SV2B: variants seen among roughly 807,000 people sequenced by gnomAD.
SV2B encodes synaptic vesicle glycoprotein 2B, also known as solute carrier family 22 member B2.
Under a neutral mutation model 73.9 loss-of-function variants are expected in SV2B, and 41 were observed. That is an observed-to-expected ratio of 0.56 (90% CI 0.43 to 0.72). The LOEUF (loss-of-function observed/expected upper bound fraction) is 0.72. Among genes scored for constraint, SV2B ranks in the 30% least tolerant of loss-of-function variants. The pLI, the probability that SV2B is intolerant of heterozygous loss-of-function variation, is 0.00. For synonymous variants in SV2B, 314 were observed against 314.2 expected, an observed-to-expected ratio of 1.00 and a Z score of 0.01; for missense variants, 764 against 857.8, an observed-to-expected ratio of 0.89 and a Z score of 1.37.
At position 91,149,605 on chromosome 15, in the gene SV2B, C is replaced by T. The variant is rs568077877; in HGVS notation, c.-392+49242C>T. Among the ~76,000 whole-genome samples the T allele has an allele frequency of 2.6e-5, 4 of 152,314 alleles. No homozygotes were observed. The East Asian group carries it at 7.7e-4, about 29-fold the overall frequency. ...TCACTGGGAGCCACGCTCTTAGTCTCTCCATCTTGGACATGGTTTGGCACT... is the reference window on the plus strand; with the variant it reads ...TCACTGGGAGCCACGCTCTTAGTCTTTCCATCTTGGACATGGTTTGGCACT... On this transcript the variant is annotated intron_variant, in intron 1 of 12. Transcript: ENST00000394232.
At chr15:91,178,760 GT>G (rs1273074710) in intron 1 of SV2B, among the ~76,000 whole-genome samples, 1 of 147,540 alleles carries the variant, frequency 6.8e-6, no homozygotes, top group African/African-American at 2.5e-5. Flanking sequence ...ATTTTTTATT[GT>G]GTCTATTTGA....
chr15:91,256,829 T>A (rs2047711630), intron 4 of SV2B, among the ~76,000 whole-genome samples: 1 of 152,208 alleles, frequency 6.6e-6, no homozygotes, highest in Admixed American at 6.5e-5. Flanking sequence ...AGAAAATGTC[T>A]GCAGGAACAG....
intron 1 of SV2B, among the ~76,000 whole-genome samples, chr15:91,199,725 A>G (rs771965421): frequency 9.2e-5 from 14 of 152,192 alleles, no homozygotes; most frequent in Non-Finnish European, 1.6e-4. Context: ...GAAGCCAGGA[A>G]ATGGAACAGA....
At chr15:91,169,204 T>G (rs139301138) in intron 1 of SV2B, among the ~76,000 whole-genome samples, 1 of 152,314 alleles carries the variant, frequency 6.6e-6, no homozygotes, top group African/African-American at 2.4e-5. Context: ...CCAGGGACCA[T>G]GCCGAGGGTT....
At chr15:91,176,733 G>C (rs1004284708) in intron 1 of SV2B, among the ~76,000 whole-genome samples, 1 of 151,428 alleles carries the variant, frequency 6.6e-6, no homozygotes, top group African/African-American at 2.4e-5. Context: ...CTTTTTGATG[G>C]GGTTGTTTGT....
rs1567282025 is a variant in SV2B, at chr15:91,137,592, T to TATATATATATTTCATATATATATTTCTC, written c.-392+37239_-392+37240insTTCATATATATATTTCTCATATATATAT. Among the ~76,000 whole-genome samples the TATATATATATTTCATATATATATTTCTC allele has an allele frequency of 1.6e-4, 11 of 66,826 alleles. No homozygotes were observed. The highest frequency in any genetic ancestry group is 4.2e-4 in the African/African-American group (9 of 21,210). The allele number at this position is 66,826 out of a possible 152,430, so 43.8% of individuals were successfully genotyped here. On this transcript the variant is annotated intron_variant, in intron 1 of 12. Transcript: ENST00000394232. The surrounding 1 kb of genome is among the most constrained non-coding windows in gnomAD (Gnocchi z 4.9). The stretch of plus-strand genomic sequence containing the variant: ...GAAATATATATATATATATTTCTCA[T>TATATATATATTTCATATATATATTTCTC]ATATATATATATTTCATATATATAT...
chr15:91,226,740 T>G (rs375181345), intron 2 of SV2B, 26 bp downstream of exon 2: 11 of 1,590,704 alleles, frequency 6.9e-6, no homozygotes, highest in Non-Finnish European at 9.3e-6. Flanking sequence ...CAATGATCCC[T>G]CCAATGAAAG....
intron 2 of SV2B, among the ~76,000 whole-genome samples, chr15:91,246,528 A>G (rs1278401508): frequency 2.0e-5 from 3 of 152,240 alleles, no homozygotes; most frequent in Non-Finnish European, 4.4e-5. Context: ...GCCCACAGGC[A>G]TGCTGTGGTA....
intron 1 of SV2B, among the ~76,000 whole-genome samples, chr15:91,187,400 T>C (rs2044814891): frequency 6.6e-6 from 1 of 152,220 alleles, no homozygotes; most frequent in South Asian, 2.1e-4. Context: ...CAAGAGAACA[T>C]TCCAACCAGC....
intron 1 of SV2B, among the ~76,000 whole-genome samples, chr15:91,191,384 C>A (rs953667078): frequency 2.6e-5 from 4 of 152,030 alleles, no homozygotes; most frequent in African/African-American, 7.2e-5. Context: ...TAGAGAGAAC[C>A]CTTCCACCCT....
chr15:91,244,012 A>G (rs1038891621), intron 2 of SV2B, among the ~76,000 whole-genome samples: 3 of 152,174 alleles, frequency 2.0e-5, no homozygotes, highest in Non-Finnish European at 4.4e-5. Context: ...CTTGAAGAGT[A>G]TTAGTGTATC....
rs187872836 is a variant in SV2B, at chr15:91,123,885, C to T, written c.-392+23522C>T. Among the ~76,000 whole-genome samples, 1 of 152,190 alleles carries T rather than the reference C, an allele frequency of 6.6e-6. No homozygotes were observed. Among genetic ancestry groups the T allele is most frequent in the African/African-American group, 2.4e-5 (1 of 41,452 alleles). ...GAGATGACCCTGGGCTCTAAGCACA[C>T]TTGGTCTGTGTCCCAGGCATATCTA... On this transcript the variant is annotated intron_variant, in intron 1 of 12. Transcript: ENST00000394232. The surrounding 1 kb of genome is among the most constrained non-coding windows in gnomAD (Gnocchi z 4.7).
rs1019026281 is a variant in SV2B, at chr15:91,288,420, ACT to A, written c.1709-1096_1709-1095del. ...TTTGTGGTGAGAATATTTGAAATTT[ACT>A]CTCTTAGCAATTTTGAAATATACAA... On this transcript the variant is annotated intron_variant, in intron 11 of 12. Coordinates refer to ENST00000394232, the MANE Select transcript of SV2B (RefSeq NM_001323032.3). This position sits in a 1 kb window ranked among gnomAD's most constrained non-coding sequence, Gnocchi z 5.8. 3.3e-5 allele frequency among the ~76,000 whole-genome samples: 5 copies of A among 152,198 alleles called. No homozygotes were observed. Among genetic ancestry groups the A allele is most frequent in the African/African-American group, 1.2e-4 (5 of 41,500 alleles).
In SV2B at chr15:91,302,459, A is replaced by G. The variant is rs1052805502; in HGVS notation, c.*9907A>G. 6.6e-6 allele frequency among the ~76,000 whole-genome samples: 1 copy of G among 152,134 alleles called. No individual in the cohort carries two copies. The highest frequency in any genetic ancestry group is 1.5e-5 in the Non-Finnish European group (1 of 68,030). ...GTGGCCTTTTGCTAACTGGTATGGA[A>G]GCATTTCGGTATTTTAACAAGTATG... On this transcript the variant is annotated 3_prime_UTR_variant, in exon 13 of 13. Coordinates refer to ENST00000394232, the MANE Select transcript of SV2B (RefSeq NM_001323032.3).
chr15:91,148,351 C>T (rs761648010), intron 1 of SV2B, among the ~76,000 whole-genome samples: 37 of 152,094 alleles, frequency 2.4e-4, no homozygotes, highest in Non-Finnish European at 5.0e-4. Context: ...AAAAATGTAT[C>T]TTTGACCAAG....
rs964751391 is a variant in SV2B at position 91,214,649 on chromosome 15, A to C, written c.-391-11224A>C. Among the ~76,000 whole-genome samples the C allele has an allele frequency of 1.3e-5, 2 of 152,322 alleles. No homozygotes were observed. The highest frequency in any genetic ancestry group is 3.4e-3 in the Middle Eastern group (1 of 294). ...TTTACAACAGCCACTGTATGGCAAG[A>C]AATATCATTAACAATTGTTTTCCCG... is the stretch of plus-strand genomic sequence containing the variant. On this transcript the variant is annotated intron_variant, in intron 1 of 12. Coordinates refer to ENST00000394232, the MANE Select transcript of SV2B (RefSeq NM_001323032.3). The surrounding 1 kb of genome is among the most constrained non-coding windows in gnomAD (Gnocchi z 4.7).
intron 1 of SV2B, among the ~76,000 whole-genome samples, chr15:91,176,022 A>C (rs1181103033): frequency 6.6e-6 from 1 of 151,688 alleles, no homozygotes; most frequent in African/African-American, 2.4e-5. Context: ...TATATCTCCT[A>C]ATGCTATCCC....
Position 91,270,555 on chromosome 15 carries a change from C to T in SV2B, c.1373+1950C>T, listed in dbSNP as rs77589312. Among the ~76,000 whole-genome samples the T allele has an allele frequency of 3.8e-4, 58 of 152,308 alleles. 1 individual carries two copies. In the East Asian group the frequency reaches 0.01, roughly 27 times the overall value. ...GGGAAACTCTTCATTCCTACAGAGG[C>T]GCTGTTTTACATGATACTTTCTGCA... is the stretch of plus-strand genomic sequence containing the variant. On this transcript the variant is annotated intron_variant, in intron 9 of 12. Transcript: ENST00000394232.
At chr15:91,201,337 G>C (rs1229683270) in intron 1 of SV2B, among the ~76,000 whole-genome samples, 2 of 152,164 alleles carry the variant, frequency 1.3e-5, no homozygotes, top group African/African-American at 2.4e-5. Context: ...ACTTTTACAT[G>C]TATTTACTCA....
Sources: allele counts gnomAD v4.1 joint callset (sites outside exome capture counted in the v4.1 genomes callset), GRCh38; gene constraint gnomAD v4.1.1; non-coding constraint Gnocchi (gnomAD v3.1); transcripts MANE v1.5; gene names NCBI Gene and HGNC (gene_info 2026-07-23, HGNC 2026-07-21).